Variants in ASIP observed in about 807,000 individuals in gnomAD.
The protein encoded by ASIP is agouti signaling protein.
ASIP carries 11 observed loss-of-function variants against 10.3 expected under a neutral mutation model. That is an observed-to-expected ratio of 1.07 (90% CI 0.68 to 1.78). ASIP has a LOEUF of 1.78. Ranked by LOEUF, ASIP falls within the 40% of genes most tolerant of loss-of-function variation. ASIP has a pLI of 0.00. For synonymous variants in ASIP, 70 were observed against 70.8 expected (o/e 0.99, Z 0.06); for missense variants, 180 against 169.2 (o/e 1.06, Z -0.35).
At chr20:34,197,913 G>C (rs2034868823) in intron 1 of ASIP, among the ~76,000 whole-genome samples, 1 of 151,998 alleles carries the variant, frequency 6.6e-6, no homozygotes, top group South Asian at 2.1e-4. Context: ...GAATCAAATG[G>C]GAAAACAAAG....
At chr20:34,220,655 C>T (rs2035040171) in intron 1 of ASIP, among the ~76,000 whole-genome samples, 1 of 151,288 alleles carries the variant, frequency 6.6e-6, no homozygotes, top group Non-Finnish European at 1.5e-5. Flanking sequence ...AAGCATTTAA[C>T]TCAACACGGG....
chr20:34,227,725 A>G (rs1223898229), intron 1 of ASIP, among the ~76,000 whole-genome samples: 1 of 152,164 alleles, frequency 6.6e-6, no homozygotes, highest in East Asian at 1.9e-4. Context: ...AATAGATTCA[A>G]CACAACTCCA....
At chr20:34,227,975 T>C (rs1294612290) in intron 1 of ASIP, among the ~76,000 whole-genome samples, 1 of 152,196 alleles carries the variant, frequency 6.6e-6, no homozygotes, top group Non-Finnish European at 1.5e-5. Context: ...TCAAGTGATT[T>C]CCCACAAGGT....
intron 1 of ASIP, among the ~76,000 whole-genome samples, chr20:34,196,979 T>TA: frequency 6.6e-6 from 1 of 150,956 alleles, no homozygotes; most frequent in East Asian, 2.0e-4. Context: ...ATACTGAACT[T>TA]AAACATTCTT....
At position 34,269,098 on chromosome 20, in the gene ASIP, G is replaced by A. The variant is rs762757094; in HGVS notation, c.330G>A (p.Pro110=). ...CGCCGGCACCCGCCTGCTGCGACCC[G>A]TGCGCCTCCTGCCAGTGCCGCTTCT... ...CKPPAPACCD[P]CASCQCRFFR... is the part of the protein sequence containing the mutation. Residue 110 remains proline, a synonymous_variant, in exon 4 of 4, where the codon CCG becomes CCA. Coordinates refer to ENST00000374954, the MANE Select transcript of ASIP (RefSeq NM_001672.3). 4 of 1,570,888 alleles carry A rather than the reference G, an allele frequency of 2.5e-6. No homozygotes were observed. Among genetic ancestry groups the A allele is most frequent in the East Asian group, 4.8e-5 (2 of 41,982 alleles).
chr20:34,258,810 A>C (rs2035635715), intron 1 of ASIP, among the ~76,000 whole-genome samples: 1 of 120,784 alleles, frequency 8.3e-6, no homozygotes, highest in African/African-American at 2.9e-5. Context: ...AATATATGAT[A>C]TATATAATAC....
chr20:34,213,774 C>T (rs2034989766), intron 1 of ASIP: 3 of 1,507,850 alleles, frequency 2.0e-6, no homozygotes, highest in Non-Finnish European at 2.8e-6. Context: ...TGAGAATACC[C>T]TTTTGTAAGG....
chr20:34,228,130 T>TTCAAAAGAAAACATAGAAGAAA (rs1212924856), intron 1 of ASIP, among the ~76,000 whole-genome samples: 1 of 7,552 alleles, frequency 1.3e-4, no homozygotes, highest in Admixed American at 2.8e-3. Context: ...CTATAGAACT[T>TTCAAAAGAAAACATAGAAGAAA]TCTTTTTTTT....
In ASIP at chr20:34,214,573, C is replaced by T. The variant is rs569762868; in HGVS notation, c.-11+19813C>T. On this transcript the variant is annotated intron_variant, in intron 1 of 3. Coordinates refer to the ASIP transcript ENST00000568305. ...AGTCTGCCAATTCTGCAGTGTAGAACTAAAAACTCTGCGAACAGAGGCCAG... is the reference window on the plus strand; with the variant it reads ...AGTCTGCCAATTCTGCAGTGTAGAATTAAAAACTCTGCGAACAGAGGCCAG... 6.0e-5 allele frequency: 86 copies of T among 1,435,816 alleles called. No homozygotes were observed. The African/African-American group carries it at 1.1e-3, about 18-fold the overall frequency. 88.9% of individuals were successfully genotyped at this position (1,435,816 alleles called of 1,614,324 possible). A position where few individuals can be genotyped will look rare whatever the true frequency, so the allele number is the denominator to read the frequency against.
At chr20:34,236,086 G>A (rs914707424) in intron 1 of ASIP, among the ~76,000 whole-genome samples, 4 of 118,224 alleles carry the variant, frequency 3.4e-5, no homozygotes, top group African/African-American at 1.3e-4. Context: ...GAAAGAGAAG[G>A]AAGGAAGGAA....
At chr20:34,210,286 C>T (rs1215694667) in intron 1 of ASIP, among the ~76,000 whole-genome samples, 1 of 152,224 alleles carries the variant, frequency 6.6e-6, no homozygotes, top group Non-Finnish European at 1.5e-5. Context: ...CCTGGGAGTT[C>T]CCTGAGCCAG....
intron 1 of ASIP, chr20:34,215,610 G>A: frequency 6.7e-6 from 10 of 1,490,132 alleles, no homozygotes; most frequent in Non-Finnish European, 9.4e-6. Context: ...TTCTCTGGTT[G>A]GGGATTCAGC....
chr20:34,227,029 A>T (rs2035097822), intron 1 of ASIP, among the ~76,000 whole-genome samples: 1 of 152,240 alleles, frequency 6.6e-6, no homozygotes, highest in African/African-American at 2.4e-5. Context: ...AAAAAACAAT[A>T]AGCTTGGAAA....
At chr20:34,217,298 C>T (rs2035015208) in intron 1 of ASIP, among the ~76,000 whole-genome samples, 2 of 151,554 alleles carry the variant, frequency 1.3e-5, no homozygotes, top group African/African-American at 2.4e-5. Flanking sequence ...ATTAACCGGG[C>T]GTGGTGGTGG....
intron 3 of ASIP, among the ~76,000 whole-genome samples, chr20:34,266,026 A>C (rs2035778613): frequency 6.6e-6 from 1 of 151,978 alleles, no homozygotes; most frequent in South Asian, 2.1e-4. Context: ...TTGCCTACCA[A>C]AGGCTCTAAA....
upstream of ASIP, among the ~76,000 whole-genome samples, chr20:34,192,862 T>C (rs143673860): frequency 4.8e-4 from 73 of 152,322 alleles, no homozygotes; most frequent in Non-Finnish European, 9.6e-4. Context: ...ATAAGGTGCA[T>C]GTGATATTTT....
At chr20:34,212,443 T>C (rs1354521038) in intron 1 of ASIP, among the ~76,000 whole-genome samples, 2 of 152,172 alleles carry the variant, frequency 1.3e-5, no homozygotes, top group Admixed American at 1.3e-4. Flanking sequence ...TTCTACTAAA[T>C]ATTTCATTGT....
chr20:34,214,410 A>C, intron 1 of ASIP: 2 of 1,440,792 alleles, frequency 1.4e-6, no homozygotes, highest in African/African-American at 1.4e-5. Flanking sequence ...TGATGTTACC[A>C]GAGTTCGCAT....
At chr20:34,205,215 C>T (rs1413054707) in intron 1 of ASIP, among the ~76,000 whole-genome samples, 3 of 152,180 alleles carry the variant, frequency 2.0e-5, no homozygotes, top group Non-Finnish European at 2.9e-5. Context: ...CTGGTGGGTT[C>T]GTGGTCTTGC....
Sources: allele counts gnomAD v4.1 joint callset (sites outside exome capture counted in the v4.1 genomes callset), GRCh38; gene constraint gnomAD v4.1.1; transcripts MANE v1.5; gene names NCBI Gene and HGNC (gene_info 2026-07-23, HGNC 2026-07-21).